Variants in ST8SIA5 observed in about 807,000 individuals in gnomAD.
ST8SIA5 encodes the protein alpha-2,8-sialyltransferase 8E.
Under a neutral mutation model 40.2 loss-of-function variants are expected in ST8SIA5, and 24 were observed. The observed-to-expected ratio is 0.60, with a 90% CI of 0.43 to 0.84. ST8SIA5 has a LOEUF of 0.84. Ranked by LOEUF, ST8SIA5 falls within the 40% of genes least tolerant of loss-of-function variation. The pLI, the probability that ST8SIA5 is intolerant of heterozygous loss-of-function variation, is 0.00. For missense variants in ST8SIA5, 465 were observed against 498.5 expected, an observed-to-expected ratio of 0.93 and a Z score of 0.64; for synonymous variants, 198 against 201.8, an observed-to-expected ratio of 0.98 and a Z score of 0.16.
chr18:46,710,363 T>TTTTC (rs71162817), intron 1 of ST8SIA5, among the ~76,000 whole-genome samples: 2,285 of 114,422 alleles, frequency 0.02, 34 homozygotes, highest in East Asian at 0.049. Flanking sequence ...TCCTTCTTTC[T>TTTTC]TTTCTTTCTT....
At position 46,756,733 on chromosome 18, in the gene ST8SIA5, C is replaced by G; in HGVS notation, c.-225G>C. On this transcript the variant is annotated 5_prime_UTR_variant, in exon 1 of 7. Coordinates refer to ENST00000315087, the MANE Select transcript of ST8SIA5 (RefSeq NM_013305.6). ...GCAGGACAGGGCCGGTGGCAGGGAG[C>G]TCTGCCGCGGCCAGGGGCCTTCCCC... is the stretch of plus-strand genomic sequence containing the variant. 2.0e-6 allele frequency: 1 copy of G among 495,178 alleles called. No homozygotes were observed. The highest frequency in any genetic ancestry group is 3.5e-6 in the Non-Finnish European group (1 of 289,094). 30.7% of individuals were successfully genotyped at this position (495,178 alleles called of 1,614,324 possible).
intron 1 of ST8SIA5, among the ~76,000 whole-genome samples, chr18:46,717,128 G>C (rs1434020623): frequency 6.6e-6 from 1 of 152,216 alleles, no homozygotes; most frequent in Non-Finnish European, 1.5e-5. Flanking sequence ...CACCATGAGG[G>C]CACCGCTGCC....
Position 46,754,668 on chromosome 18 carries a change from C to G in ST8SIA5, c.131+1710G>C, listed in dbSNP as rs556488281. 9.8e-5 allele frequency among the ~76,000 whole-genome samples: 15 copies of G among 152,368 alleles called. No homozygotes were observed. The South Asian group carries it at 2.9e-3, about 29-fold the overall frequency. On this transcript the variant is annotated intron_variant, in intron 1 of 6. Transcript: ENST00000315087. ...GGAAGCACCTTGTGTGCCTGCTGAA[C>G]TCCTGGCAGCTAGCCCACCCACCCA...
intron 1 of ST8SIA5, chr18:46,730,510 G>A (rs1283553612): frequency 1.3e-5 from 2 of 152,718 alleles, no homozygotes; most frequent in African/African-American, 4.8e-5. Flanking sequence ...CTTTCCATTT[G>A]TACACACTTT....
chr18:46,722,751 G>C (rs549435359), intron 1 of ST8SIA5, among the ~76,000 whole-genome samples: 5 of 152,314 alleles, frequency 3.3e-5, no homozygotes, highest in African/African-American at 9.6e-5. Context: ...AATGTCTCCA[G>C]ACATTGCCAA....
rs748377199 is a variant in ST8SIA5, at chr18:46,686,302, G to A, written c.457-16C>T. ...AGGGCATGTCCTGGGGGAGGCACAG[G>A]CACAGCTGTCAGAGCCAAGCCACCC... On this transcript the variant is annotated splice_polypyrimidine_tract_variant and intron_variant, in intron 4 of 6. Transcript: ENST00000315087. The A allele has an allele frequency of 1.2e-6, 2 of 1,610,814 alleles. No individual in the cohort carries two copies. The highest frequency in any genetic ancestry group is 1.7e-6 in the Non-Finnish European group (2 of 1,177,146).
intron 1 of ST8SIA5, among the ~76,000 whole-genome samples, chr18:46,752,589 AC>A (rs1387803176): frequency 6.6e-6 from 1 of 152,032 alleles, no homozygotes; most frequent in East Asian, 1.9e-4. Context: ...CTGCAAATGG[AC>A]CCCCAGAGTT....
chr18:46,708,611 C>T (rs554750144), intron 1 of ST8SIA5, among the ~76,000 whole-genome samples: 108 of 151,712 alleles, frequency 7.1e-4, no homozygotes, highest in Middle Eastern at 3.4e-3. Flanking sequence ...CACCCCAGGG[C>T]CAGGTCCTAG....
chr18:46,702,869 C>T (rs931645921), intron 2 of ST8SIA5, among the ~76,000 whole-genome samples: 2 of 152,214 alleles, frequency 1.3e-5, no homozygotes, highest in African/African-American at 4.8e-5. Context: ...GTCTGTATCC[C>T]ACCTTCTCTG....
At chr18:46,751,382 AT>A (rs1234059191) in intron 1 of ST8SIA5, among the ~76,000 whole-genome samples, 118 of 151,008 alleles carry the variant, frequency 7.8e-4, no homozygotes, top group Non-Finnish European at 1.1e-3. Context: ...TTATTTATTT[AT>A]TTAATTTTTA....
At chr18:46,736,183 C>G (rs1001145018) in intron 1 of ST8SIA5, among the ~76,000 whole-genome samples, 5 of 152,106 alleles carry the variant, frequency 3.3e-5, no homozygotes, top group Non-Finnish European at 7.3e-5. Context: ...TCTTCGAAAT[C>G]CAACGTGTAT....
At chr18:46,702,566 G>T (rs924085917) in intron 2 of ST8SIA5, among the ~76,000 whole-genome samples, 6 of 152,202 alleles carry the variant, frequency 3.9e-5, no homozygotes, top group Non-Finnish European at 5.9e-5. Flanking sequence ...GACACAGCCA[G>T]CTCCCTCCTG....
intron 1 of ST8SIA5, among the ~76,000 whole-genome samples, chr18:46,745,787 C>T (rs1356244943): frequency 6.6e-6 from 1 of 152,138 alleles, no homozygotes; most frequent in East Asian, 1.9e-4. Flanking sequence ...AGACCAATAT[C>T]CCTGATAAAC....
chr18:46,712,644 G>A (rs1398489149), intron 1 of ST8SIA5, among the ~76,000 whole-genome samples: 2 of 152,206 alleles, frequency 1.3e-5, no homozygotes, highest in Non-Finnish European at 2.9e-5. Flanking sequence ...CGCTGTTGAT[G>A]CGTGAGAAGG....
chr18:46,733,701 G>A (rs900530521), intron 1 of ST8SIA5, among the ~76,000 whole-genome samples: 3 of 152,192 alleles, frequency 2.0e-5, no homozygotes, highest in Non-Finnish European at 2.9e-5. Flanking sequence ...ATGTGAGCAG[G>A]ACAGGAAGTG....
At chr18:46,748,798 A>G (rs1485909029) in intron 1 of ST8SIA5, among the ~76,000 whole-genome samples, 1 of 152,164 alleles carries the variant, frequency 6.6e-6, no homozygotes, top group Admixed American at 6.5e-5. Context: ...TGCTGGAGAA[A>G]ATGTAAAATG....
intron 1 of ST8SIA5, among the ~76,000 whole-genome samples, chr18:46,710,413 T>TTCTTTCTTTCTTTCTTTC (rs1244310202): frequency 7.8e-6 from 1 of 127,506 alleles, no homozygotes; most frequent in African/African-American, 3.1e-5. Flanking sequence ...CTTTCTTTCT[T>TTCTTTCTTTCTTTCTTTC]TCTTTTTCTT....
intron 1 of ST8SIA5, among the ~76,000 whole-genome samples, chr18:46,754,825 G>C (rs1399412523): frequency 6.6e-6 from 1 of 152,234 alleles, no homozygotes; most frequent in Non-Finnish European, 1.5e-5. Context: ...GTGCCGGGAG[G>C]GGGCAGGAAC....
chr18:46,691,949 A>G, intron 3 of ST8SIA5: 1 of 565,276 alleles, frequency 1.8e-6, no homozygotes, highest in Admixed American at 2.8e-5. Flanking sequence ...TGCAAGGACT[A>G]AGGGAGAGAA....
Sources: gnomAD v4.1 joint callset for allele counts (sites outside exome capture counted in the v4.1 genomes callset) on GRCh38, gnomAD v4.1.1 for gene constraint, MANE v1.5 for transcripts, NCBI Gene and HGNC (gene_info 2026-07-23, HGNC 2026-07-21) for gene names.